PVT1: variants seen among roughly 807,000 people sequenced by gnomAD.
PVT1 encodes the protein CXCR4/PVT1 fusion.
chr8:127,799,077 C>T (rs1223695453), intron 2 of PVT1, among the ~76,000 whole-genome samples: 1 of 151,802 alleles, frequency 6.6e-6, no homozygotes, highest in Non-Finnish European at 1.5e-5. Context: ...AAATTCCGAA[C>T]TATCTGTTTT....
intron 2 of PVT1, among the ~76,000 whole-genome samples, chr8:127,809,125 A>G (rs898769231): frequency 6.6e-6 from 1 of 151,438 alleles, no homozygotes; most frequent in Non-Finnish European, 1.5e-5. Context: ...AGCTAGCTAG[A>G]GACCTTCCAA....
intron 4 of PVT1, among the ~76,000 whole-genome samples, chr8:128,017,792 T>C (rs551859840): frequency 2.8e-4 from 43 of 152,260 alleles, no homozygotes; most frequent in Admixed American, 1.8e-3. Flanking sequence ...GCCTCATTTA[T>C]ATCGGCAGCC....
chr8:127,948,742 C>A (rs981183544), intron 3 of PVT1: 1 of 152,208 alleles, frequency 6.6e-6, no homozygotes, highest in Non-Finnish European at 1.5e-5. Flanking sequence ...AGGAGAGAGG[C>A]CTCAGAAGAA....
At chr8:128,056,468 G>A (rs879780551) in intron 4 of PVT1, among the ~76,000 whole-genome samples, 5 of 152,020 alleles carry the variant, frequency 3.3e-5, no homozygotes, top group African/African-American at 7.3e-5. Context: ...TGCATAGCTC[G>A]CACAGATGTT....
At chr8:127,847,314 CAT>C (rs1222240708) in intron 2 of PVT1, among the ~76,000 whole-genome samples, 1 of 152,142 alleles carries the variant, frequency 6.6e-6, no homozygotes, top group Non-Finnish European at 1.5e-5. Context: ...GTATAATACA[CAT>C]GTTGTTGATG....
chr8:127,888,447 A>G (rs1815553863), intron 2 of PVT1, among the ~76,000 whole-genome samples: 1 of 152,212 alleles, frequency 6.6e-6, no homozygotes, highest in African/African-American at 2.4e-5. Context: ...GGCAGGCAGA[A>G]TAACGTCCCC....
chr8:127,846,602 A>G (rs1425823532), intron 2 of PVT1, among the ~76,000 whole-genome samples: 2 of 152,122 alleles, frequency 1.3e-5, no homozygotes, highest in Admixed American at 6.5e-5. Context: ...CTCATGGCCG[A>G]GTGGCAGCTG....
intron 4 of PVT1, among the ~76,000 whole-genome samples, chr8:128,046,953 G>A (rs953902009): frequency 3.3e-5 from 5 of 152,146 alleles, no homozygotes; most frequent in Middle Eastern, 3.4e-3. Context: ...CTGCCTTCAC[G>A]GTCCCCCACA....
chr8:128,015,578 T>A (rs556888013), intron 4 of PVT1, among the ~76,000 whole-genome samples: 39 of 151,902 alleles, frequency 2.6e-4, no homozygotes, highest in Non-Finnish European at 4.9e-4. Context: ...ATCGAGACCA[T>A]CCTGGCCAAC....
At chr8:127,876,253 AGTGT>A (rs56039408) in intron 2 of PVT1, among the ~76,000 whole-genome samples, 56,907 of 148,972 alleles carry the variant, frequency 0.38, 10,799 homozygotes, top group Admixed American at 0.42. Flanking sequence ...CCCAAACAGC[AGTGT>A]GTGTGTGTGT....
intron 4 of PVT1, among the ~76,000 whole-genome samples, chr8:128,003,314 C>T (rs1411294119): frequency 6.7e-6 from 1 of 150,004 alleles, no homozygotes; most frequent in Non-Finnish European, 1.5e-5. Context: ...CTCCCCTCCC[C>T]TTCTGTCTCC....
At chr8:127,952,455 TC>T (rs755405865) in intron 3 of PVT1, among the ~76,000 whole-genome samples, 1 of 152,204 alleles carries the variant, frequency 6.6e-6, no homozygotes, top group African/African-American at 2.4e-5. Context: ...AGCACAAATT[TC>T]CCCAGGGCTG....
intron 2 of PVT1, among the ~76,000 whole-genome samples, chr8:127,869,184 G>A (rs1004928740): frequency 2.0e-5 from 3 of 151,886 alleles, no homozygotes; most frequent in African/African-American, 2.4e-5. Context: ...AGGCTGAAGC[G>A]CAATGGCATG....
chr8:127,846,250 A>G (rs1055684125), intron 2 of PVT1, among the ~76,000 whole-genome samples: 2 of 152,032 alleles, frequency 1.3e-5, no homozygotes, highest in African/African-American at 4.8e-5. Flanking sequence ...CCATTTTTTC[A>G]CGGTAAGACC....
At chr8:127,831,838 CAA>C (rs1361038340) in intron 2 of PVT1, among the ~76,000 whole-genome samples, 1 of 152,188 alleles carries the variant, frequency 6.6e-6, no homozygotes, top group Admixed American at 6.5e-5. Flanking sequence ...TGGGAGCAAT[CAA>C]GAGGAAGCCA....
At chr8:128,081,384 T>C (rs756445586) in intron 5 of PVT1, among the ~76,000 whole-genome samples, 4 of 152,186 alleles carry the variant, frequency 2.6e-5, no homozygotes, top group Non-Finnish European at 5.9e-5. Flanking sequence ...GAAGAGGAAA[T>C]CTACTCATTT....
At chr8:127,899,035 T>C (rs1459989093) in intron 3 of PVT1, among the ~76,000 whole-genome samples, 2 of 152,196 alleles carry the variant, frequency 1.3e-5, no homozygotes. Flanking sequence ...CAGTGGGAGA[T>C]GATGGCATAA....
At chr8:127,989,708 C>T (rs1817009618) in intron 4 of PVT1, among the ~76,000 whole-genome samples, 1 of 152,170 alleles carries the variant, frequency 6.6e-6, no homozygotes, top group Non-Finnish European at 1.5e-5. Flanking sequence ...CTTTCCCAGC[C>T]AATCCGTGCT....
intron 4 of PVT1, among the ~76,000 whole-genome samples, chr8:128,033,704 T>C (rs1813426273): frequency 6.6e-6 from 1 of 152,178 alleles, no homozygotes; most frequent in African/African-American, 2.4e-5. Flanking sequence ...TGAAACTGAC[T>C]TGGGGCTCTG....
Sources: allele counts gnomAD v4.1 joint callset (sites outside exome capture counted in the v4.1 genomes callset), GRCh38; gene constraint gnomAD v4.1.1; transcripts MANE v1.5; gene names NCBI Gene and HGNC (gene_info 2026-07-23, HGNC 2026-07-21).